Variants in TRPV1 observed in about 807,000 individuals in gnomAD.
The protein encoded by TRPV1 is transient receptor potential cation channel subfamily V member 1, also known as OTRPC1.
A neutral mutation model predicts 82.3 loss-of-function variants in TRPV1; 82 were observed. That is an observed-to-expected ratio of 1.00 (90% CI 0.83 to 1.20). The LOEUF (loss-of-function observed/expected upper bound fraction) is 1.20. Among genes scored for constraint, TRPV1 ranks in the 50% most tolerant of loss-of-function variants. TRPV1 has a pLI of 0.00. For synonymous variants in TRPV1, 515 were observed against 467.7 expected, an observed-to-expected ratio of 1.10 and a Z score of -1.30; for missense variants, 1,067 against 1,096.8, an observed-to-expected ratio of 0.97 and a Z score of 0.38.
chr17:3,584,402 C>CAAAAAAAAAAAAAAAAAAAAAAA (rs1447579699), intron 9 of TRPV1, among the ~76,000 whole-genome samples: 2 of 16,746 alleles, frequency 1.2e-4, no homozygotes, highest in African/African-American at 4.6e-4. Flanking sequence ...GACTCTGTCT[C>CAAAAAAAAAAAAAAAAAAAAAAA]AAAAAAAAAA....
rs374551120 is a variant in TRPV1 at position 3,592,215 on chromosome 17, G to A, written c.136C>T (p.Arg46Cys). ...AKPQLSTAKSRTRLFGKGDSE... is the reference protein window; with the variant it reads ...AKPQLSTAKSCTRLFGKGDSE... ...TCACCCTTCCCAAAGAGCCGGGTGC[G>A]GCTCTTGGCCGTGGAGAGCTGGGGC... Residue 46 changes from arginine to cysteine, a missense_variant, in exon 3 of 17, where the codon CGC becomes TGC. Arg to Cys is a radical substitution (Grantham distance 180, BLOSUM62 -3). Transcript: ENST00000572705. 62 of 1,612,764 alleles carry A rather than the reference G, an allele frequency of 3.8e-5. 1 individual carries two copies. Among genetic ancestry groups the A allele is most frequent in the Middle Eastern group, 1.6e-4 (1 of 6,062 alleles).
intron 13 of TRPV1, among the ~76,000 whole-genome samples, chr17:3,576,668 A>AAAAAATAT: frequency 5.2e-5 from 2 of 38,422 alleles, no homozygotes; most frequent in Admixed American, 4.5e-4. Context: ...AAAAAAAAAA[A>AAAAAATAT]ATATATATAT....
intron 2 of TRPV1, among the ~76,000 whole-genome samples, chr17:3,602,616 A>G (rs2150859343): frequency 6.6e-6 from 1 of 152,310 alleles, no homozygotes; most frequent in South Asian, 2.1e-4. Context: ...GCAGCTCAGG[A>G]AAGCGTCTGC....
At chr17:3,590,851 G>T in intron 5 of TRPV1, 113 bp downstream of exon 5, 2 of 1,397,586 alleles carry the variant, frequency 1.4e-6, no homozygotes, top group East Asian at 2.5e-5. Context: ...CAACGCAGTG[G>T]CTGGGACAGG....
chr17:3,588,060 C>A (rs2075105809), intron 8 of TRPV1, 128 bp downstream of exon 8: 15 of 1,093,394 alleles, frequency 1.4e-5, no homozygotes, highest in Non-Finnish European at 1.9e-5. Flanking sequence ...CGTGAGGCTG[C>A]AGGGCCTGGG....
intron 2 of TRPV1, chr17:3,595,732 A>AC: frequency 6.6e-6 from 1 of 152,242 alleles, no homozygotes; most frequent in African/African-American, 2.4e-5. Context: ...TTTTCCTCTG[A>AC]CGGGTCCCAG....
chr17:3,577,286 G>C (rs565947084), intron 12 of TRPV1, 94 bp from the exon 13 acceptor site: 1 of 1,354,318 alleles, frequency 7.4e-7, no homozygotes, highest in Non-Finnish European at 1.0e-6. Context: ...TGCGTCTTGA[G>C]AACGTGCAGG....
intron 15 of TRPV1, 41 bp downstream of exon 15, chr17:3,572,081 A>G (rs552005923): frequency 1.2e-6 from 2 of 1,601,058 alleles, no homozygotes; most frequent in East Asian, 4.5e-5. Flanking sequence ...GGTGAGCCCC[A>G]AAGCTCCCAA....
At chr17:3,594,154 A>C (rs200674907) in intron 2 of TRPV1, among the ~76,000 whole-genome samples, 6,844 of 89,960 alleles carry the variant, frequency 0.076, 126 homozygotes, top group Middle Eastern at 0.11. Context: ...AAAAAAAAAG[A>C]AGCAGCAGCA....
intron 7 of TRPV1, chr17:3,588,924 C>G: frequency 6.5e-7 from 1 of 1,535,862 alleles, no homozygotes; most frequent in Non-Finnish European, 8.7e-7. Flanking sequence ...CCAGCTCTAC[C>G]ATCTCACCAT....
At chr17:3,568,321 C>T (rs969384343) in intron 16 of TRPV1, among the ~76,000 whole-genome samples, 1 of 88,112 alleles carries the variant, frequency 1.1e-5, no homozygotes, top group Non-Finnish European at 2.3e-5. Context: ...GACTCCGTCT[C>T]AAAAAAAAAA....
In TRPV1 at chr17:3,602,860, G is replaced by A. The variant is rs552528548; in HGVS notation, c.-34+5567C>T. Among the ~76,000 whole-genome samples the A allele has an allele frequency of 2.7e-3, 412 of 152,320 alleles. 1 individual carries two copies. Among genetic ancestry groups the A allele is most frequent in the Non-Finnish European group, 4.4e-3 (296 of 68,020 alleles). ...GCCCCAGCCGGCCTCAGTGGCTCAC[G>A]CCCGTAATCCCAGCACTTTGGGAGG... On this transcript the variant is annotated intron_variant, in intron 2 of 16. Coordinates refer to ENST00000572705, the MANE Select transcript of TRPV1 (RefSeq NM_080704.4).
At chr17:3,570,738 G>A (rs1020286971) in intron 16 of TRPV1, among the ~76,000 whole-genome samples, 1 of 151,402 alleles carries the variant, frequency 6.6e-6, no homozygotes, top group Non-Finnish European at 1.5e-5. Flanking sequence ...TTTTGAGACA[G>A]AGTCTCGTTC....
At position 3,585,881 on chromosome 17, in the gene TRPV1, G is replaced by T. The variant is rs1204803708; in HGVS notation, c.1270C>A (p.Gln424Lys). The change falls in exon 9 of 17, where the codon CAG becomes AAG. Residue 424 changes from glutamine to lysine, a missense_variant. Physicochemically the swap from Gln to Lys is moderately conservative, Grantham distance 53. Transcript: ENST00000572705. ...LLVEPLNRLLQDKWDRFVKRI... is the reference protein window; with the variant it reads ...LLVEPLNRLLKDKWDRFVKRI... ...TTGACGAATCTGTCCCACTTGTCCT[G>T]CAGGAGTCGGTTCAGCGGCTCCACC... 6.2e-7 allele frequency: 1 copy of T among 1,614,038 alleles called. No homozygotes were observed. Among genetic ancestry groups the T allele is most frequent in the Admixed American group, 1.7e-5 (1 of 60,028 alleles).
intron 7 of TRPV1, chr17:3,589,055 G>C (rs1474122137): frequency 1.6e-6 from 2 of 1,266,492 alleles, no homozygotes; most frequent in Non-Finnish European, 2.2e-6. Flanking sequence ...GGAGGCTGAG[G>C]TGGAAGGATC....
chr17:3,577,533 C>A (rs1274588257), intron 12 of TRPV1, 65 bp downstream of exon 12: 1 of 1,520,322 alleles, frequency 6.6e-7, no homozygotes. Context: ...AGTTCTTGGC[C>A]CCATCTCACA....
In TRPV1 at chr17:3,592,184, T is replaced by G. The variant is rs201915348; in HGVS notation, c.167A>C (p.Glu56Ala). 46 of 1,613,432 alleles carry G rather than the reference T, an allele frequency of 2.9e-5. No individual in the cohort carries two copies. Among genetic ancestry groups the G allele is most frequent in the Non-Finnish European group, 3.6e-5 (42 of 1,179,720 alleles). The change falls in exon 3 of 17, where the codon GAG (glutamate) becomes GCG (alanine). Residue 56 changes from glutamate to alanine, a missense_variant. Glu to Ala is a moderately radical substitution (Grantham distance 107, BLOSUM62 -1). Transcript: ENST00000572705. ...AGGGCAATCCACCGGGAAAGCCTCC[T>G]CCGAGTCACCCTTCCCAAAGAGCCG... is the stretch of plus-strand genomic sequence containing the variant. The part of the protein sequence containing the change: ...RTRLFGKGDS[E>A]EAFPVDCPHE...
chr17:3,593,471 T>A (rs957494717), intron 2 of TRPV1, among the ~76,000 whole-genome samples: 1 of 152,110 alleles, frequency 6.6e-6, no homozygotes, highest in African/African-American at 2.4e-5. Flanking sequence ...TCCCTCTGGC[T>A]GGGCATCCCC....
At chr17:3,567,272 G>A (rs1453348944) in intron 16 of TRPV1, among the ~76,000 whole-genome samples, 1 of 149,910 alleles carries the variant, frequency 6.7e-6, no homozygotes, top group Non-Finnish European at 1.5e-5. Flanking sequence ...GGGAGGCTGA[G>A]GCAGGAGAAT....
Sources: gnomAD v4.1 joint callset for allele counts (sites outside exome capture counted in the v4.1 genomes callset) on GRCh38, gnomAD v4.1.1 for gene constraint, MANE v1.5 for transcripts, NCBI Gene and HGNC (gene_info 2026-07-23, HGNC 2026-07-21) for gene names.